PTPRD: variants seen among roughly 807,000 people sequenced by gnomAD.
The protein encoded by PTPRD is protein tyrosine phosphatase receptor type D, also known as receptor-type tyrosine-protein phosphatase delta.
Under a neutral mutation model 214.5 loss-of-function variants are expected in PTPRD, and 34 were observed. The ratio of observed to expected loss-of-function variants is 0.16; its 90% CI spans 0.12 to 0.21. PTPRD has a LOEUF of 0.21. PTPRD is among the 10% of genes least tolerant of loss of function. PTPRD has a pLI of 1.00. For missense variants in PTPRD, 2,545 were observed against 2,398.7 expected (o/e 1.06, Z -1.27); for synonymous variants, 1,128 against 845.7 (o/e 1.33, Z -5.79).
intron 4 of PTPRD, among the ~76,000 whole-genome samples, chr9:9,986,957 A>G (rs2095736053): frequency 6.6e-6 from 1 of 151,952 alleles, no homozygotes; most frequent in Non-Finnish European, 1.5e-5. Context: ...ACTGGCCCCT[A>G]TTTCCTGAAC....
In PTPRD at chr9:9,412,258, C is replaced by T. The variant is rs149637134; in HGVS notation, c.-236-14776G>A. 2.0e-3 allele frequency among the ~76,000 whole-genome samples: 302 copies of T among 151,970 alleles called. 2 individuals carry two copies. In the South Asian group the frequency reaches 0.025, roughly 13 times the overall value. On this transcript the variant is annotated intron_variant, in intron 8 of 45. Coordinates refer to ENST00000381196, the MANE Select transcript of PTPRD (RefSeq NM_002839.4). Reference sequence around the variant, plus strand: ...GCCTTATTTCAAATGATAATAAATTCGCTTTTTGTAAATTTGGTATTTGTG... The same window carrying T: ...GCCTTATTTCAAATGATAATAAATTTGCTTTTTGTAAATTTGGTATTTGTG...
At chr9:10,356,284 G>C (rs1231827657) in intron 2 of PTPRD, among the ~76,000 whole-genome samples, 1 of 152,054 alleles carries the variant, frequency 6.6e-6, no homozygotes, top group African/African-American at 2.4e-5. Context: ...ATCAGGAATT[G>C]TCTGTTCCAT....
chr9:10,126,074 T>A (rs954377224), intron 3 of PTPRD, among the ~76,000 whole-genome samples: 1 of 152,112 alleles, frequency 6.6e-6, no homozygotes, highest in Admixed American at 6.5e-5. Flanking sequence ...TATACGGAAG[T>A]TGTATTTTCT....
intron 2 of PTPRD, among the ~76,000 whole-genome samples, chr9:10,411,905 T>C (rs2098439538): frequency 6.6e-6 from 1 of 151,792 alleles, no homozygotes; most frequent in African/African-American, 2.4e-5. Context: ...ATTTCAAATA[T>C]TTATGATGGC....
chr9:9,482,339 C>A (rs530634862), intron 8 of PTPRD, among the ~76,000 whole-genome samples: 1 of 152,310 alleles, frequency 6.6e-6, no homozygotes, highest in African/African-American at 2.4e-5. Context: ...GTATTCTAAG[C>A]ATACTTTGAT....
At chr9:9,682,067 T>C (rs180786522) in intron 7 of PTPRD, among the ~76,000 whole-genome samples, 2 of 151,908 alleles carry the variant, frequency 1.3e-5, no homozygotes. Context: ...ACTACATAAT[T>C]TGCAGAGGCT....
At chr9:9,874,039 C>G (rs1461719876) in intron 5 of PTPRD, among the ~76,000 whole-genome samples, 2 of 152,046 alleles carry the variant, frequency 1.3e-5, no homozygotes, top group Admixed American at 6.6e-5. Flanking sequence ...TTTTTAGGAC[C>G]TCACAACAGA....
chr9:9,554,161 A>C (rs2080974892), intron 8 of PTPRD, among the ~76,000 whole-genome samples: 2 of 152,036 alleles, frequency 1.3e-5, no homozygotes, highest in Admixed American at 6.6e-5. Context: ...AAACTCAACC[A>C]CTGGTTCATG....
At chr9:8,935,878 T>G (rs1483838998) in intron 11 of PTPRD, among the ~76,000 whole-genome samples, 1 of 152,180 alleles carries the variant, frequency 6.6e-6, no homozygotes, top group African/African-American at 2.4e-5. Context: ...ATCACCAATT[T>G]GAAAAAGATT....
chr9:10,156,678 T>G lies in PTPRD; in HGVS notation c.-544-122888A>C, dbSNP rs536731280. On this transcript the variant is annotated intron_variant, in intron 3 of 45. Coordinates refer to ENST00000381196, the MANE Select transcript of PTPRD (RefSeq NM_002839.4). ...TTGTTTCAGTGCTGAGTTCAGGTCC[T>G]CAATATCTTTGTTAATTTTCTGCCT... Among the ~76,000 whole-genome samples, 19 of 152,306 alleles carry G rather than the reference T, an allele frequency of 1.2e-4. No homozygotes were observed. In the South Asian group the frequency reaches 3.7e-3, roughly 30 times the overall value.
chr9:10,561,588 C>G (rs1437839631), intron 2 of PTPRD, among the ~76,000 whole-genome samples: 2 of 151,992 alleles, frequency 1.3e-5, no homozygotes, highest in Non-Finnish European at 2.9e-5. Flanking sequence ...CAAATATAAC[C>G]CAGGAATAAA....
At chr9:9,015,930 T>C (rs1014233872) in intron 11 of PTPRD, among the ~76,000 whole-genome samples, 2 of 152,030 alleles carry the variant, frequency 1.3e-5, no homozygotes, top group Admixed American at 6.6e-5. Context: ...TGCCAATAAG[T>C]AGAAAGAAAG....
At chr9:10,009,117 A>G (rs965734588) in intron 4 of PTPRD, among the ~76,000 whole-genome samples, 3 of 152,048 alleles carry the variant, frequency 2.0e-5, no homozygotes, top group African/African-American at 7.2e-5. Context: ...AAGTTAAATT[A>G]ATGCAATTCT....
At chr9:8,514,541 C>A (rs1415889196) in intron 21 of PTPRD, among the ~76,000 whole-genome samples, 1 of 114,872 alleles carries the variant, frequency 8.7e-6, no homozygotes, top group African/African-American at 3.4e-5. Flanking sequence ...TTTTTTTTTT[C>A]CATTTCTAAA....
intron 8 of PTPRD, among the ~76,000 whole-genome samples, chr9:9,489,598 A>C (rs1804371055): frequency 6.6e-6 from 1 of 152,210 alleles, no homozygotes; most frequent in Middle Eastern, 3.4e-3. Context: ...GAAATTCTGG[A>C]GCTGAAAACT....
chr9:8,748,400 G>A (rs1598621122), intron 11 of PTPRD, among the ~76,000 whole-genome samples: 1 of 151,624 alleles, frequency 6.6e-6, no homozygotes, highest in East Asian at 1.9e-4. Flanking sequence ...ACAGCAGGAG[G>A]GACAAGGATC....
chr9:9,905,757 G>C (rs934238017), intron 5 of PTPRD, among the ~76,000 whole-genome samples: 4 of 151,912 alleles, frequency 2.6e-5, no homozygotes, highest in African/African-American at 9.7e-5. Flanking sequence ...AACTGGACGA[G>C]TAGATAAACA....
chr9:9,758,612 G>C (rs1483539448), intron 6 of PTPRD, among the ~76,000 whole-genome samples: 3 of 152,112 alleles, frequency 2.0e-5, no homozygotes, highest in Non-Finnish European at 2.9e-5. Context: ...GCCAAGGAGA[G>C]TTACATATGG....
chr9:10,199,653 T>C (rs553119084), intron 3 of PTPRD, among the ~76,000 whole-genome samples: 2 of 152,078 alleles, frequency 1.3e-5, no homozygotes, highest in African/African-American at 2.4e-5. Flanking sequence ...TAATATAATA[T>C]TTATTACTTA....
Sources: gnomAD v4.1 joint callset for allele counts (sites outside exome capture counted in the v4.1 genomes callset) on GRCh38, gnomAD v4.1.1 for gene constraint, MANE v1.5 for transcripts, NCBI Gene and HGNC (gene_info 2026-07-23, HGNC 2026-07-21) for gene names.